The following BACE2 variants were observed in gnomAD, a reference collection of about 807,000 sequenced individuals.
The protein encoded by BACE2 is beta-secretase 2.
A neutral mutation model predicts 46.2 loss-of-function variants in BACE2; 17 were observed. That is an observed-to-expected ratio of 0.37 (90% confidence interval 0.25 to 0.55). The LOEUF (loss-of-function observed/expected upper bound fraction) is 0.55. Among genes scored for constraint, BACE2 ranks in the 20% least tolerant of loss-of-function variants. The pLI, the probability that BACE2 is intolerant of heterozygous loss-of-function variation, is 0.82. For missense variants in BACE2, 595 were observed against 698.1 expected (o/e 0.85, Z 1.66); for synonymous variants, 277 against 295.9 (o/e 0.94, Z 0.66).
chr21:41,177,916 C>T (rs1195542384), intron 1 of BACE2: 1 of 152,312 alleles, frequency 6.6e-6, no homozygotes, highest in African/African-American at 2.4e-5. Context: ...GAGCTTTACC[C>T]CTTGGTGGCA....
intron 1 of BACE2, chr21:41,178,785 G>A (rs931825657): frequency 3.3e-5 from 7 of 210,628 alleles, no homozygotes; most frequent in Admixed American, 3.1e-4. Flanking sequence ...TCTAAGCCCT[G>A]GTATGCAACA....
intron 1 of BACE2, among the ~76,000 whole-genome samples, chr21:41,174,976 A>G (rs114528963): frequency 0.035 from 5,249 of 152,100 alleles, 315 homozygotes; most frequent in African/African-American, 0.12. Context: ...TTCTGGTGGA[A>G]CCTGAGGAAG....
At chr21:41,171,722 C>T (rs960691498) in intron 1 of BACE2, among the ~76,000 whole-genome samples, 1 of 152,160 alleles carries the variant, frequency 6.6e-6, no homozygotes, top group Non-Finnish European at 1.5e-5. Flanking sequence ...CAGCTGAAGA[C>T]AGGAGAAGGT....
rs2088507459 is a variant in BACE2 at position 41,277,839 on chromosome 21, G to A, written c.*2215G>A. ...CCGTCATGCTCTGTATTTCATATCA[G>A]ATTTCTTTATCTTTTCATATCGCAT... On this transcript the variant is annotated 3_prime_UTR_variant, in exon 9 of 9. Coordinates refer to ENST00000330333, the MANE Select transcript of BACE2 (RefSeq NM_012105.5). 1 of 152,222 alleles carries A rather than the reference G, an allele frequency of 6.6e-6. No homozygotes were observed. The highest frequency in any genetic ancestry group is 6.5e-5 in the Admixed American group (1 of 15,282). The allele number at this position is 152,222 out of a possible 1,614,324, so 9.4% of individuals were successfully genotyped here. A position where few individuals can be genotyped will look rare whatever the true frequency, so the allele number is the denominator to read the frequency against.
chr21:41,196,785 G>A (rs549133265), intron 1 of BACE2, among the ~76,000 whole-genome samples: 149 of 152,250 alleles, frequency 9.8e-4, no homozygotes, highest in African/African-American at 3.5e-3. Context: ...TTCACCTGCC[G>A]GGTGTCCTGG....
chr21:41,178,952 A>G (rs564982904), intron 1 of BACE2: 275 of 517,480 alleles, frequency 5.3e-4, no homozygotes, highest in Non-Finnish European at 7.7e-4. Flanking sequence ...AAGGGCGGTT[A>G]TGGAAGACCT....
intron 8 of BACE2, among the ~76,000 whole-genome samples, chr21:41,260,949 C>A (rs1291221645): frequency 6.6e-6 from 1 of 151,972 alleles, no homozygotes; most frequent in African/African-American, 2.4e-5. Context: ...TTTGTCAACT[C>A]GACTTTATTG....
intron 1 of BACE2, among the ~76,000 whole-genome samples, chr21:41,173,792 G>A (rs1395389451): frequency 1.3e-5 from 2 of 152,102 alleles, no homozygotes; most frequent in Non-Finnish European, 2.9e-5. Flanking sequence ...ACTAATTCTA[G>A]AATTGCTGAA....
chr21:41,191,746 G>A (rs1470233388), intron 1 of BACE2, among the ~76,000 whole-genome samples: 1 of 152,208 alleles, frequency 6.6e-6, no homozygotes, highest in Admixed American at 6.5e-5. Flanking sequence ...TGGACCCACT[G>A]GGTGATGACG....
intron 1 of BACE2, among the ~76,000 whole-genome samples, chr21:41,225,103 G>A (rs1439078471): frequency 4.6e-5 from 7 of 151,884 alleles, no homozygotes; most frequent in South Asian, 2.1e-4. Flanking sequence ...GCTCGGTGGC[G>A]GGCACCTGTA....
rs749844973 is a variant in BACE2 at position 41,257,108 on chromosome 21, C to T, written c.1135-50C>T. On this transcript the variant is annotated intron_variant, in intron 7 of 8. Coordinates refer to ENST00000330333, the MANE Select transcript of BACE2 (RefSeq NM_012105.5). Reference sequence around the variant, plus strand: ...GACCTCAGCAATTTTGTGATACTGCCTGATTTGTGCTTTTTCTTGTTTGTT... The same window carrying T: ...GACCTCAGCAATTTTGTGATACTGCTTGATTTGTGCTTTTTCTTGTTTGTT... 6.2e-6 allele frequency: 10 copies of T among 1,610,116 alleles called. 1 individual carries two copies. Among genetic ancestry groups the T allele is most frequent in the Non-Finnish European group, 8.5e-6 (10 of 1,177,102 alleles).
intron 1 of BACE2, among the ~76,000 whole-genome samples, chr21:41,201,963 G>C (rs1437454065): frequency 2.0e-5 from 3 of 152,186 alleles, no homozygotes; most frequent in Admixed American, 1.3e-4. Flanking sequence ...ACCACTGGAG[G>C]CCTGGTGTTG....
intron 1 of BACE2, among the ~76,000 whole-genome samples, chr21:41,202,152 G>A (rs772161552): frequency 1.3e-5 from 2 of 152,206 alleles, no homozygotes; most frequent in Non-Finnish European, 2.9e-5. Context: ...GTAGTGAGCT[G>A]TTTGTTATTT....
At chr21:41,208,295 G>A (rs186004330) in intron 1 of BACE2, among the ~76,000 whole-genome samples, 12 of 152,356 alleles carry the variant, frequency 7.9e-5, no homozygotes, top group Middle Eastern at 3.4e-3. Context: ...GGCAGTGCAC[G>A]CAGGACCGCA....
chr21:41,272,526 G>GT (rs1198472054), intron 8 of BACE2, among the ~76,000 whole-genome samples: 1 of 148,704 alleles, frequency 6.7e-6, no homozygotes, highest in African/African-American at 2.5e-5. Context: ...TATTGTTTTG[G>GT]TTTTTTTTAA....
At position 41,257,171 on chromosome 21, in the gene BACE2, C is replaced by T. The variant is rs1277216929; in HGVS notation, c.1148C>T (p.Pro383Leu). 1 of 1,614,158 alleles carries T rather than the reference C, an allele frequency of 6.2e-7. No homozygotes were observed. Among genetic ancestry groups the T allele is most frequent in the Non-Finnish European group, 8.5e-7 (1 of 1,180,028 alleles). Residue 383 changes from proline to leucine, a missense_variant, in exon 8 of 9, where the codon CCC (proline) becomes CTC (leucine). By Grantham distance (98) the Pro-to-Leu change is moderately conservative (BLOSUM62 -3). Transcript: ENST00000330333. ...ITILPQLYIQ[P>L]MMGAGLNYEC... The stretch of plus-strand genomic sequence containing the variant: ...TCCGACAAACAGCTTTACATTCAGC[C>T]CATGATGGGGGCCGGCCTGAATTAT...
At chr21:41,210,885 G>A (rs1193135373) in intron 1 of BACE2, among the ~76,000 whole-genome samples, 4 of 152,172 alleles carry the variant, frequency 2.6e-5, no homozygotes, top group East Asian at 3.8e-4. Flanking sequence ...AGTTCCTCCT[G>A]TAAACTGCTG....
intron 1 of BACE2, among the ~76,000 whole-genome samples, chr21:41,172,242 G>T (rs192965009): frequency 6.6e-6 from 1 of 152,362 alleles, no homozygotes. Flanking sequence ...ATTCATCAAA[G>T]ACTGTATTAC....
chr21:41,272,511 A>T (rs2088443874), intron 8 of BACE2, among the ~76,000 whole-genome samples: 2 of 146,002 alleles, frequency 1.4e-5, no homozygotes, highest in African/African-American at 5.1e-5. Context: ...TCTGTGCTTC[A>T]TTTCTATTGT....
Sources: allele counts gnomAD v4.1 joint callset (sites outside exome capture counted in the v4.1 genomes callset), GRCh38; gene constraint gnomAD v4.1.1; transcripts MANE v1.5; gene names NCBI Gene and HGNC (gene_info 2026-07-23, HGNC 2026-07-21).